P4HA2: variants seen among roughly 807,000 people sequenced by gnomAD.
The protein encoded by P4HA2 is prolyl 4-hydroxylase subunit alpha 2, also known as prolyl 4-hydroxylase subunit alpha-2.
A neutral mutation model predicts 76.9 loss-of-function variants in P4HA2; 46 were observed. The ratio of observed to expected loss-of-function variants is 0.60; its 90% CI spans 0.47 to 0.76. P4HA2 has a LOEUF of 0.76. P4HA2 is among the 30% of genes least tolerant of loss of function. The pLI is 0.00. For synonymous variants in P4HA2, 243 were observed against 254.0 expected (o/e 0.96, Z 0.41); for missense variants, 583 against 669.4 (o/e 0.87, Z 1.42).
chr5:132,225,744 G>A (rs556701746), intron 1 of P4HA2, among the ~76,000 whole-genome samples: 3 of 152,288 alleles, frequency 2.0e-5, no homozygotes, highest in South Asian at 2.1e-4. Context: ...AGTCTAAACC[G>A]GTGACTAAGT....
At position 132,191,326 on chromosome 5, in the gene P4HA2, A is replaced by C. The variant is rs954589772; in HGVS notation, c.*1684T>G. On this transcript the variant is annotated 3_prime_UTR_variant, in exon 15 of 15. Transcript: ENST00000360568. Reference sequence around the variant, plus strand: ...AGGAGATCGAGACCATCCCGGCTAAAACGGTGAAACCCCGTCTCTACTAAA... The same window carrying C: ...AGGAGATCGAGACCATCCCGGCTAACACGGTGAAACCCCGTCTCTACTAAA... 1.3e-5 allele frequency among the ~76,000 whole-genome samples: 2 copies of C among 151,678 alleles called. No individual in the cohort carries two copies. Among genetic ancestry groups the C allele is most frequent in the African/African-American group, 4.8e-5 (2 of 41,302 alleles).
At chr5:132,227,136 C>G in intron 1 of P4HA2, 1 of 152,612 alleles carries the variant, frequency 6.6e-6, no homozygotes, top group South Asian at 2.1e-4. Context: ...GCCTGTCCCA[C>G]TGGGTTAGCA....
intron 1 of P4HA2, among the ~76,000 whole-genome samples, chr5:132,224,917 G>C (rs1414038865): frequency 6.6e-6 from 1 of 152,094 alleles, no homozygotes; most frequent in Non-Finnish European, 1.5e-5. Context: ...GGCTCAGATA[G>C]ATTCCATCTG....
chr5:132,195,077 CT>C (rs1750434424), intron 13 of P4HA2, 55 bp from the exon 14 acceptor site: 1 of 1,187,902 alleles, frequency 8.4e-7, no homozygotes, highest in African/African-American at 1.5e-5. Flanking sequence ...GCTCAGGGAC[CT>C]GACTGCAAGC....
chr5:132,199,191 T>C lies in P4HA2; in HGVS notation c.1252-259A>G, dbSNP rs117492384. On this transcript the variant is annotated intron_variant, in intron 10 of 14. Transcript: ENST00000360568. ...AACAAGATGGGTGAACTGCATATGA[T>C]CACTGAGGAAAAGCACCAGCCCTTC... is the stretch of plus-strand genomic sequence containing the variant. Among the ~76,000 whole-genome samples the C allele has an allele frequency of 3.2e-3, 487 of 152,326 alleles. 19 individuals carry two copies. The East Asian group carries it at 0.084, about 26-fold the overall frequency.
At chr5:132,203,670 A>T (rs1751808599) in intron 10 of P4HA2, 78 bp downstream of exon 10, 1 of 880,408 alleles carries the variant, frequency 1.1e-6, no homozygotes, top group Non-Finnish European at 1.9e-6. Context: ...CTCTTGGCCC[A>T]GTTCTGGACA....
intron 1 of P4HA2, chr5:132,227,041 T>C (rs982041087): frequency 6.6e-6 from 1 of 152,544 alleles, no homozygotes; most frequent in East Asian, 1.9e-4. Context: ...GTCAGTGCTC[T>C]ACCAAGTACC....
chr5:132,217,113 C>T lies in P4HA2; in HGVS notation c.331+84G>A, dbSNP rs59981907. On this transcript the variant is annotated intron_variant, in intron 4 of 14. Coordinates refer to ENST00000360568, the MANE Select transcript of P4HA2 (RefSeq NM_001017974.2). Reference sequence around the variant, plus strand: ...ATGTACTTGCCCACCAACACCCAGACCCAAGACAGGCTCAGACACAACAAC... The same window carrying T: ...ATGTACTTGCCCACCAACACCCAGATCCAAGACAGGCTCAGACACAACAAC... 1,206 of 1,374,042 alleles carry T rather than the reference C, an allele frequency of 8.8e-4. 7 individuals carry two copies. In the African/African-American group the frequency reaches 0.015, roughly 17 times the overall value. The allele number at this position is 1,374,042 out of a possible 1,614,324, so 85.1% of individuals were successfully genotyped here. A position where few individuals can be genotyped will look rare whatever the true frequency, so the allele number is the denominator to read the frequency against.
intron 3 of P4HA2, 25 bp downstream of exon 3, chr5:132,217,727 A>G (rs746019836): frequency 7.2e-6 from 10 of 1,380,036 alleles, no homozygotes; most frequent in Non-Finnish European, 9.2e-6. Context: ...AAGGCCAACT[A>G]AGGATGGTTG....
intron 1 of P4HA2, among the ~76,000 whole-genome samples, chr5:132,224,945 C>A (rs1194291694): frequency 2.0e-5 from 3 of 151,696 alleles, no homozygotes; most frequent in Non-Finnish European, 2.9e-5. Flanking sequence ...GAGCACTCTA[C>A]CCAAACACTT....
intron 8 of P4HA2, among the ~76,000 whole-genome samples, chr5:132,206,775 T>C (rs1230974120): frequency 1.3e-5 from 2 of 152,202 alleles, no homozygotes; most frequent in East Asian, 1.9e-4. Flanking sequence ...CTAGAAGTTC[T>C]GGGCAATTCA....
chr5:132,193,170 G>T, intron 14 of P4HA2, 90 bp from the exon 15 acceptor site: 1 of 840,238 alleles, frequency 1.2e-6, no homozygotes, highest in Non-Finnish European at 2.0e-6. Context: ...CCTGCACTGT[G>T]CCCTGGAATC....
At chr5:132,199,365 A>G in intron 10 of P4HA2, 1 of 171,538 alleles carries the variant, frequency 5.8e-6, no homozygotes, top group Non-Finnish European at 1.2e-5. Flanking sequence ...CTAGTTTTGG[A>G]GGTACTCAGC....
At chr5:132,202,891 C>T (rs1751705300) in intron 10 of P4HA2, 1 of 152,274 alleles carries the variant, frequency 6.6e-6, no homozygotes, top group Non-Finnish European at 1.5e-5. Flanking sequence ...CCCAGACCCA[C>T]CCCGCCTTTC....
chr5:132,210,191 C>T (rs139647613), intron 6 of P4HA2, 93 bp downstream of exon 6: 3 of 1,424,040 alleles, frequency 2.1e-6, no homozygotes, highest in East Asian at 4.6e-5. Context: ...TAAACTGACT[C>T]AGTCCCAGGA....
intron 1 of P4HA2, among the ~76,000 whole-genome samples, chr5:132,224,651 A>T (rs1473519405): frequency 6.6e-6 from 1 of 152,200 alleles, no homozygotes; most frequent in African/African-American, 2.4e-5. Flanking sequence ...TCATCAGGGG[A>T]TAACCCTGGA....
Position 132,198,921 on chromosome 5 carries a change from A to G in P4HA2, c.1263T>C (p.Tyr421=). 1 of 1,611,568 alleles carries G rather than the reference A, an allele frequency of 6.2e-7. No individual in the cohort carries two copies. Among genetic ancestry groups the G allele is most frequent in the Middle Eastern group, 1.7e-4 (1 of 6,058 alleles). The change falls in exon 11 of 15, where the codon TAT becomes TAC. Residue 421 remains tyrosine (Y), a synonymous_variant. Transcript: ENST00000360568. ...KTAELLQVAN[Y]GVGGQYEPHF... ...GCGGTTCATACTGTCCTCCCACTCC[A>G]TAATTTGCAACCTGTGGGAAATAAC...
chr5:132,208,892 G>A (rs970021809), intron 7 of P4HA2, among the ~76,000 whole-genome samples: 1 of 152,012 alleles, frequency 6.6e-6, no homozygotes, highest in Admixed American at 6.6e-5. Context: ...GACATATTGG[G>A]GTAAGGAGGC....
chr5:132,216,426 AG>A (rs1190430619), intron 4 of P4HA2, among the ~76,000 whole-genome samples: 1 of 152,220 alleles, frequency 6.6e-6, no homozygotes, highest in Non-Finnish European at 1.5e-5. Flanking sequence ...ATATGTAAAA[AG>A]GTGCTGATAA....
Sources: gnomAD v4.1 joint callset for allele counts (sites outside exome capture counted in the v4.1 genomes callset) on GRCh38, gnomAD v4.1.1 for gene constraint, MANE v1.5 for transcripts, NCBI Gene and HGNC (gene_info 2026-07-23, HGNC 2026-07-21) for gene names.